OTUD7A: variants seen among roughly 807,000 people sequenced by gnomAD.
OTUD7A encodes OTU domain-containing protein 7A.
In OTUD7A, 12 loss-of-function variants were observed where a neutral mutation model predicts 65.7. The observed-to-expected ratio is 0.18, with a 90% CI of 0.12 to 0.30. OTUD7A has a LOEUF of 0.30. OTUD7A is among the 10% of genes least tolerant of loss of function. OTUD7A has a pLI of 1.00. For missense variants in OTUD7A, 1,148 were observed against 1,304.8 expected (o/e 0.88, Z 1.85); for synonymous variants, 641 against 586.3 (o/e 1.09, Z -1.35).
chr15:31,526,540 C>T, intron 7 of OTUD7A, 79 bp from the exon 8 acceptor site: 1 of 1,216,162 alleles, frequency 8.2e-7, no homozygotes, highest in East Asian at 2.7e-5. Context: ...CCAATCTGGA[C>T]CAGCCTCACC....
At chr15:31,665,813 A>G (rs1301616554) in intron 1 of OTUD7A, among the ~76,000 whole-genome samples, 1 of 152,128 alleles carries the variant, frequency 6.6e-6, no homozygotes, top group African/African-American at 2.4e-5. Context: ...GGCTTTTATT[A>G]CATTGAGGTA....
chr15:31,841,915 T>C (rs1265701065), intron 1 of OTUD7A, among the ~76,000 whole-genome samples: 2 of 152,188 alleles, frequency 1.3e-5, no homozygotes, highest in African/African-American at 2.4e-5. Flanking sequence ...ATCCAGATGT[T>C]TGGCAGAATA....
At chr15:31,584,380 A>G (rs546742720) in intron 3 of OTUD7A, among the ~76,000 whole-genome samples, 15 of 152,304 alleles carry the variant, frequency 9.8e-5, no homozygotes, top group African/African-American at 3.4e-4. Context: ...AGAACACTTA[A>G]GTGGTTTTTG....
intron 3 of OTUD7A, among the ~76,000 whole-genome samples, chr15:31,632,921 G>A (rs944259884): frequency 1.7e-4 from 26 of 152,364 alleles, no homozygotes; most frequent in African/African-American, 6.3e-4. Context: ...GACCCTCCGA[G>A]CCAGATGCGG....
chr15:31,820,776 A>C (rs940541355), intron 1 of OTUD7A, among the ~76,000 whole-genome samples: 2 of 152,136 alleles, frequency 1.3e-5, no homozygotes, highest in African/African-American at 4.8e-5. Flanking sequence ...GTAAATTTTC[A>C]TTTTTTGACC....
intron 1 of OTUD7A, among the ~76,000 whole-genome samples, chr15:31,786,563 G>A (rs540375610): frequency 4.5e-4 from 69 of 152,286 alleles, no homozygotes; most frequent in Non-Finnish European, 7.6e-4. Flanking sequence ...CTTTGTGGGC[G>A]TGTGGTGCTG....
At chr15:31,485,930 C>T (rs1207753044) in intron 12 of OTUD7A, among the ~76,000 whole-genome samples, 1 of 152,200 alleles carries the variant, frequency 6.6e-6, no homozygotes, top group Non-Finnish European at 1.5e-5. Flanking sequence ...TTCCCCTTCC[C>T]ACCTGGGATA....
chr15:31,542,781 A>C (rs1888022417), intron 5 of OTUD7A, among the ~76,000 whole-genome samples: 1 of 151,770 alleles, frequency 6.6e-6, no homozygotes, highest in South Asian at 2.1e-4. Flanking sequence ...GGAGTGATAG[A>C]CTGACAGCCT....
At chr15:31,569,868 G>T in intron 4 of OTUD7A, 150 bp downstream of exon 4, 3 of 767,202 alleles carry the variant, frequency 3.9e-6, no homozygotes, top group Non-Finnish European at 6.1e-6. Flanking sequence ...AGGACATTTC[G>T]GCATAGTGTG....
At chr15:31,502,806 C>T (rs887533320) in intron 9 of OTUD7A, among the ~76,000 whole-genome samples, 2 of 152,212 alleles carry the variant, frequency 1.3e-5, no homozygotes, top group African/African-American at 4.8e-5. Context: ...AGGCCCGCGT[C>T]CCTGAGCCAC....
chr15:31,665,961 T>C (rs1322029642), intron 1 of OTUD7A, among the ~76,000 whole-genome samples: 3 of 152,242 alleles, frequency 2.0e-5, no homozygotes, highest in Non-Finnish European at 4.4e-5. Flanking sequence ...ATTGCGTTTA[T>C]TGACTTGCGT....
chr15:31,654,988 A>T, intron 3 of OTUD7A, 108 bp downstream of exon 3: 1 of 1,354,322 alleles, frequency 7.4e-7, no homozygotes. Context: ...CACAAAGCAA[A>T]GCCCACTTAG....
At chr15:31,523,287 G>A (rs74010698) in intron 8 of OTUD7A, among the ~76,000 whole-genome samples, 18,477 of 152,268 alleles carry the variant, frequency 0.12, 1,792 homozygotes, top group African/African-American at 0.27. Flanking sequence ...GCACAGGCAG[G>A]GAGGAGGGGC....
chr15:31,570,415 T>C (rs1442908712), intron 3 of OTUD7A, among the ~76,000 whole-genome samples: 1 of 151,224 alleles, frequency 6.6e-6, no homozygotes, highest in African/African-American at 2.4e-5. Context: ...TATGTGACTA[T>C]ATACAGTCTC....
chr15:31,698,408 C>T lies in OTUD7A; in HGVS notation c.-99-41331G>A, dbSNP rs548321637. Among the ~76,000 whole-genome samples the T allele has an allele frequency of 7.2e-5, 11 of 152,280 alleles. No homozygotes were observed. The East Asian group carries it at 1.9e-3, about 27-fold the overall frequency. On this transcript the variant is annotated intron_variant, in intron 1 of 12. Coordinates refer to ENST00000307050, the MANE Select transcript of OTUD7A (RefSeq NM_001382637.1). ...CTTCCAGTTCACCCAACCCATGTGG[C>T]ACTGACAAGCCTGAACAGTGGTTCT...
At chr15:31,596,915 C>T (rs1488580727) in intron 3 of OTUD7A, among the ~76,000 whole-genome samples, 1 of 151,856 alleles carries the variant, frequency 6.6e-6, no homozygotes, top group East Asian at 1.9e-4. Flanking sequence ...CAGTTTGTGG[C>T]TTACCTATTT....
chr15:31,546,664 A>T (rs1295570887), intron 5 of OTUD7A, among the ~76,000 whole-genome samples: 6 of 152,246 alleles, frequency 3.9e-5, no homozygotes, highest in South Asian at 2.1e-4. Context: ...TGTCATTTAA[A>T]TCACTTGGTC....
intron 1 of OTUD7A, among the ~76,000 whole-genome samples, chr15:31,773,317 T>C (rs1895289598): frequency 6.6e-6 from 1 of 152,242 alleles, no homozygotes; most frequent in South Asian, 2.1e-4. Context: ...CCATTGAATA[T>C]GTAGCTTATC....
chr15:31,689,044 C>T (rs1485070706), intron 1 of OTUD7A, among the ~76,000 whole-genome samples: 1 of 148,256 alleles, frequency 6.7e-6, no homozygotes, highest in Non-Finnish European at 1.5e-5. Flanking sequence ...TTTTCTTTTG[C>T]TTATAATATT....
Sources: gnomAD v4.1 joint callset for allele counts (sites outside exome capture counted in the v4.1 genomes callset) on GRCh38, gnomAD v4.1.1 for gene constraint, MANE v1.5 for transcripts, NCBI Gene and HGNC (gene_info 2026-07-23, HGNC 2026-07-21) for gene names.